The following SASH1 variants were observed in gnomAD, a reference collection of about 807,000 sequenced individuals.
The protein encoded by SASH1 is SAM and SH3 domain containing 1.
Under a neutral mutation model 125.2 loss-of-function variants are expected in SASH1, and 44 were observed. The observed-to-expected ratio is 0.35, with a 90% CI of 0.28 to 0.45. The LOEUF is 0.45. SASH1 is among the 20% of genes least tolerant of loss of function. SASH1 has a pLI of 1.00. For missense variants in SASH1, 1,426 were observed against 1,614.5 expected (o/e 0.88, Z 2.00); for synonymous variants, 639 against 649.1 (o/e 0.98, Z 0.24).
chr6:148,346,645 A>G (rs1781530472), intron 1 of SASH1, among the ~76,000 whole-genome samples: 1 of 152,226 alleles, frequency 6.6e-6, no homozygotes, highest in African/African-American at 2.4e-5. Context: ...TAAATGCAGG[A>G]GTCACATCAA....
chr6:148,243,209 G>C, the SASH1 span, among the ~76,000 whole-genome samples: 7 of 152,138 alleles, frequency 4.6e-5, no homozygotes, highest in Admixed American at 4.6e-4. Context: ...CCAGCACTTT[G>C]GGAGGCCAAG....
chr6:148,499,128 G>T (rs1779455774), intron 8 of SASH1, among the ~76,000 whole-genome samples: 1 of 149,464 alleles, frequency 6.7e-6, no homozygotes, highest in South Asian at 2.1e-4. Flanking sequence ...CACTATCTCG[G>T]CTCACTGCAA....
At chr6:148,516,764 C>T (rs993168055) in intron 9 of SASH1, among the ~76,000 whole-genome samples, 3 of 152,056 alleles carry the variant, frequency 2.0e-5, no homozygotes, top group African/African-American at 7.2e-5. Context: ...TGACTCCTGG[C>T]CACTCAGCCA....
the SASH1 span, among the ~76,000 whole-genome samples, chr6:148,267,209 T>C: frequency 2.0e-5 from 3 of 152,316 alleles, no homozygotes; most frequent in Middle Eastern, 3.4e-3. Flanking sequence ...CTTTCACATA[T>C]GTTACAGATA....
intron 4 of SASH1, among the ~76,000 whole-genome samples, chr6:148,461,976 C>G (rs1777630381): frequency 6.6e-6 from 1 of 152,136 alleles, no homozygotes. Context: ...AACCTTTTAA[C>G]CTTCCCCTGC....
At chr6:148,512,687 C>T (rs974942586) in intron 8 of SASH1, 8 of 985,140 alleles carry the variant, frequency 8.1e-6, no homozygotes, top group Middle Eastern at 5.2e-4. Context: ...CTGTCCCCAC[C>T]GTTACCTGGG....
chr6:148,427,223 T>C (rs1191997366), intron 2 of SASH1, among the ~76,000 whole-genome samples: 1 of 151,850 alleles, frequency 6.6e-6, no homozygotes, highest in Non-Finnish European at 1.5e-5. Flanking sequence ...GGATAGCCAC[T>C]ACCATCTAGA....
At chr6:148,197,142 G>A in the SASH1 span, among the ~76,000 whole-genome samples, 435 of 152,332 alleles carry the variant, frequency 2.9e-3, 1 homozygote, top group Middle Eastern at 0.031. Context: ...GGGAAAATGA[G>A]TCTGGCAAGG....
intron 2 of SASH1, among the ~76,000 whole-genome samples, chr6:148,420,126 T>C (rs1410435991): frequency 1.3e-5 from 2 of 152,212 alleles, no homozygotes; most frequent in Non-Finnish European, 2.9e-5. Flanking sequence ...GTTTGTTATA[T>C]ATGATTTTAA....
At chr6:148,345,475 A>G (rs1261553476) in intron 1 of SASH1, among the ~76,000 whole-genome samples, 1 of 152,208 alleles carries the variant, frequency 6.6e-6, no homozygotes, top group Non-Finnish European at 1.5e-5. Flanking sequence ...GTGTTTGCTC[A>G]TGTTTTCCTC....
chr6:148,427,156 C>G (rs934774110), intron 2 of SASH1, among the ~76,000 whole-genome samples: 3 of 151,726 alleles, frequency 2.0e-5, no homozygotes, highest in African/African-American at 7.3e-5. Flanking sequence ...CTCAAAAAAG[C>G]AAAGGAGATC....
At chr6:148,524,097 T>TTATATATATATATATATA (rs371819726) in intron 10 of SASH1, among the ~76,000 whole-genome samples, 3 of 79,564 alleles carry the variant, frequency 3.8e-5, no homozygotes, top group Non-Finnish European at 8.0e-5. Context: ...ATTCAGTTAA[T>TTATATATATATATATATA]TATATATATA....
intron 1 of SASH1, among the ~76,000 whole-genome samples, chr6:148,302,764 GTGTGTGTGTATATATATA>G (rs1444942918): frequency 7.6e-6 from 1 of 131,714 alleles, no homozygotes; most frequent in Non-Finnish European, 1.7e-5. Flanking sequence ...TTTATATACT[GTGTGTGTGTATATATATA>G]TGTGTGTGTG....
the SASH1 span, among the ~76,000 whole-genome samples, chr6:148,233,495 A>G: frequency 6.6e-6 from 1 of 152,078 alleles, no homozygotes; most frequent in African/African-American, 2.4e-5. Flanking sequence ...ACTATGTGCC[A>G]ATCATTGGTG....
chr6:148,302,225 T>C (rs1406032026), intron 1 of SASH1, among the ~76,000 whole-genome samples: 5 of 135,018 alleles, frequency 3.7e-5, no homozygotes, highest in Non-Finnish European at 7.6e-5. Flanking sequence ...AGCAGGAGAA[T>C]GGCGTGAACC....
intron 6 of SASH1, among the ~76,000 whole-genome samples, chr6:148,472,296 C>T (rs545973811): frequency 3.5e-4 from 54 of 152,210 alleles, no homozygotes; most frequent in African/African-American, 1.2e-3. Context: ...ATGAGAAAAA[C>T]GGATGTGAAC....
Position 148,547,466 on chromosome 6 carries a change from A to G in SASH1, c.3481-829A>G, listed in dbSNP as rs974777386. Among the ~76,000 whole-genome samples the G allele has an allele frequency of 4.6e-5, 7 of 152,188 alleles. No homozygotes were observed. The South Asian group carries it at 1.0e-3, about 22-fold the overall frequency. The stretch of plus-strand genomic sequence containing the variant: ...TTAATATTTTCAGGCTGTAGAAAGC[A>G]AAACCATGGATAAGCAGGGGGGTGG... On this transcript the variant is annotated intron_variant, in intron 19 of 19. Transcript: ENST00000367467.
intron 1 of SASH1, among the ~76,000 whole-genome samples, chr6:148,308,280 C>CCCG (rs1476223063): frequency 2.0e-5 from 3 of 151,794 alleles, no homozygotes; most frequent in Non-Finnish European, 4.4e-5. Context: ...ATCCGCCCCC[C>CCCG]CCAAAAATGT....
intron 17 of SASH1, 36 bp downstream of exon 17, chr6:148,540,592 A>C: frequency 6.8e-7 from 1 of 1,477,154 alleles, no homozygotes; most frequent in Non-Finnish European, 9.4e-7. Flanking sequence ...ACCTGCTTTG[A>C]CAAGTACTGA....
Sources: gnomAD v4.1 joint callset for allele counts (sites outside exome capture counted in the v4.1 genomes callset) on GRCh38, gnomAD v4.1.1 for gene constraint, MANE v1.5 for transcripts, NCBI Gene and HGNC (gene_info 2026-07-23, HGNC 2026-07-21) for gene names.